The following CNTN5 variants were observed in gnomAD, a reference collection of about 807,000 sequenced individuals.
CNTN5 encodes the protein contactin 5.
A neutral mutation model predicts 129.1 loss-of-function variants in CNTN5; 77 were observed. The ratio of observed to expected loss-of-function variants is 0.60; its 90% CI spans 0.50 to 0.72. The LOEUF (loss-of-function observed/expected upper bound fraction) is 0.72, where lower values mean the gene tolerates loss of function less well. Among genes scored for constraint, CNTN5 ranks in the 30% least tolerant of loss-of-function variants. The pLI is 0.00. For missense variants in CNTN5, 1,478 were observed against 1,328.8 expected, an observed-to-expected ratio of 1.11 and a Z score of -1.75; for synonymous variants, 509 against 465.6, an observed-to-expected ratio of 1.09 and a Z score of -1.20.
intron 3 of CNTN5, among the ~76,000 whole-genome samples, chr11:99,621,536 A>ATTTAGTCG (rs11280731): frequency 2.1e-5 from 1 of 46,654 alleles, no homozygotes; most frequent in Admixed American, 3.8e-4. Context: ...ATACAAAAAT[A>ATTTAGTCG]GTAAATATTA....
intron 3 of CNTN5, among the ~76,000 whole-genome samples, chr11:99,798,679 G>C (rs1325491086): frequency 6.6e-6 from 1 of 152,078 alleles, no homozygotes; most frequent in Non-Finnish European, 1.5e-5. Flanking sequence ...TACCTTTATA[G>C]TTTGAAGTCA....
At chr11:100,268,177 T>A (rs1944160) in intron 17 of CNTN5, among the ~76,000 whole-genome samples, 48,319 of 151,970 alleles carry the variant, frequency 0.32, 7,779 homozygotes, top group Non-Finnish European at 0.35. Context: ...AAGAGTTCCA[T>A]TTGAGACACA....
rs1020102815 is a variant in CNTN5 at position 99,893,843 on chromosome 11, A to G, written c.578-22211A>G. On this transcript the variant is annotated intron_variant, in intron 6 of 24. Transcript: ENST00000524871. ...TAAGCATATTTATATATTTTGTCATATATTTGGCTAGAGCAAATAATATAT... is the reference window on the plus strand; with the variant it reads ...TAAGCATATTTATATATTTTGTCATGTATTTGGCTAGAGCAAATAATATAT... Among the ~76,000 whole-genome samples the G allele has an allele frequency of 3.3e-5, 5 of 152,124 alleles. No homozygotes were observed. In the East Asian group the frequency reaches 9.6e-4, roughly 29 times the overall value.
intron 1 of CNTN5, among the ~76,000 whole-genome samples, chr11:99,295,307 T>G (rs2135930837): frequency 6.6e-6 from 1 of 152,352 alleles, no homozygotes; most frequent in South Asian, 2.1e-4. Context: ...TTTGATGTAT[T>G]TCTCTATAAG....
At chr11:99,225,512 C>G (rs7118993) in intron 1 of CNTN5, among the ~76,000 whole-genome samples, 15,261 of 152,090 alleles carry the variant, frequency 0.1, 919 homozygotes, top group East Asian at 0.28. Flanking sequence ...ATAATCATTA[C>G]ATTCTATCAT....
intron 1 of CNTN5, among the ~76,000 whole-genome samples, chr11:99,158,326 A>AAC: frequency 6.6e-6 from 1 of 152,078 alleles, no homozygotes; most frequent in Admixed American, 6.5e-5. Context: ...CTTCATGTGC[A>AAC]TGAAATGTTC....
intron 1 of CNTN5, among the ~76,000 whole-genome samples, chr11:99,218,977 G>A (rs939027670): frequency 4.6e-5 from 7 of 151,988 alleles, no homozygotes; most frequent in South Asian, 2.1e-4. Context: ...GATAGAAGAC[G>A]CTTAGATTTT....
chr11:99,468,141 A>C (rs1945017457), intron 2 of CNTN5, among the ~76,000 whole-genome samples: 1 of 152,190 alleles, frequency 6.6e-6, no homozygotes, highest in African/African-American at 2.4e-5. Context: ...AATTGTCTTT[A>C]GCTGTGTTTA....
At chr11:99,108,994 G>A (rs1857649665) in intron 1 of CNTN5, among the ~76,000 whole-genome samples, 1 of 151,356 alleles carries the variant, frequency 6.6e-6, no homozygotes, top group Admixed American at 6.6e-5. Flanking sequence ...AGGCTCATAT[G>A]TAAGTAAATG....
chr11:99,704,782 A>T (rs1003515445), intron 3 of CNTN5, among the ~76,000 whole-genome samples: 1 of 151,310 alleles, frequency 6.6e-6, no homozygotes, highest in Non-Finnish European at 1.5e-5. Flanking sequence ...TCACAGAGGA[A>T]AAATGAGGAG....
intron 1 of CNTN5, among the ~76,000 whole-genome samples, chr11:99,125,714 A>G (rs764294161): frequency 2.6e-4 from 39 of 152,298 alleles, no homozygotes; most frequent in Admixed American, 2.2e-3. Flanking sequence ...TTGCTACAAA[A>G]ATGTTATCAC....
chr11:99,626,373 C>T (rs1160506612), intron 3 of CNTN5, among the ~76,000 whole-genome samples: 1 of 152,086 alleles, frequency 6.6e-6, no homozygotes, highest in Non-Finnish European at 1.5e-5. Flanking sequence ...TAGAAGGACA[C>T]TTTAAAGACT....
At chr11:99,979,648 G>A (rs1190955350) in intron 8 of CNTN5, among the ~76,000 whole-genome samples, 1 of 152,044 alleles carries the variant, frequency 6.6e-6, no homozygotes, top group Non-Finnish European at 1.5e-5. Flanking sequence ...TATGTTAGTG[G>A]TATGAACTGA....
At chr11:99,875,573 T>C (rs1363549820) in intron 6 of CNTN5, among the ~76,000 whole-genome samples, 2 of 152,138 alleles carry the variant, frequency 1.3e-5, no homozygotes, top group Non-Finnish European at 2.9e-5. Flanking sequence ...GTGCACTGTA[T>C]TCTTTTATAT....
At chr11:100,005,726 G>C (rs1363613207) in intron 9 of CNTN5, among the ~76,000 whole-genome samples, 1 of 152,086 alleles carries the variant, frequency 6.6e-6, no homozygotes, top group Admixed American at 6.6e-5. Flanking sequence ...GGATAAGAGA[G>C]ATTTATCATA....
intron 3 of CNTN5, among the ~76,000 whole-genome samples, chr11:99,787,595 A>G (rs1404995710): frequency 6.6e-6 from 1 of 151,902 alleles, no homozygotes; most frequent in Non-Finnish European, 1.5e-5. Context: ...ATAAGTTGTC[A>G]TTGCCAGTAA....
intron 3 of CNTN5, among the ~76,000 whole-genome samples, chr11:99,763,206 T>G (rs1944646625): frequency 6.6e-6 from 1 of 152,150 alleles, no homozygotes. Flanking sequence ...TATCAGTTTT[T>G]CACTTGTCAG....
intron 2 of CNTN5, among the ~76,000 whole-genome samples, chr11:99,394,105 A>G (rs929657881): frequency 6.6e-6 from 1 of 151,670 alleles, no homozygotes; most frequent in Non-Finnish European, 1.5e-5. Flanking sequence ...TTCACAAATG[A>G]TGGGTGTAAG....
chr11:100,297,570 C>G (rs762031184), intron 18 of CNTN5, 55 bp from the exon 19 acceptor site: 4 of 1,234,552 alleles, frequency 3.2e-6, no homozygotes, highest in Admixed American at 2.2e-5. Flanking sequence ...AGGATTTTAT[C>G]CAACGTAGGT....
Sources: allele counts gnomAD v4.1 joint callset (sites outside exome capture counted in the v4.1 genomes callset), GRCh38; gene constraint gnomAD v4.1.1; transcripts MANE v1.5; gene names NCBI Gene and HGNC (gene_info 2026-07-23, HGNC 2026-07-21).